The following DIS3L2 variants were observed in gnomAD, a reference collection of about 807,000 sequenced individuals.
DIS3L2 encodes DIS3 like 3'-5' exoribonuclease 2, also known as DIS3-like exonuclease 2.
A neutral mutation model predicts 97.5 loss-of-function variants in DIS3L2; 34 were observed. The ratio of observed to expected loss-of-function variants is 0.35; its 90% CI spans 0.27 to 0.46. DIS3L2 has a LOEUF of 0.46. Among genes scored for constraint, DIS3L2 ranks in the 20% least tolerant of loss-of-function variants. The pLI is 1.00. For synonymous variants in DIS3L2, 435 were observed against 445.2 expected, an observed-to-expected ratio of 0.98 and a Z score of 0.29; for missense variants, 1,038 against 1,146.0, an observed-to-expected ratio of 0.91 and a Z score of 1.36.
At chr2:232,238,465 A>G (rs904268025) in intron 10 of DIS3L2, 68 bp from the exon 11 acceptor site, 2 of 1,323,642 alleles carry the variant, frequency 1.5e-6, no homozygotes, top group Non-Finnish European at 2.2e-6. Context: ...CATTCTAGGA[A>G]AGGACTCCTG....
chr2:232,158,931 G>A (rs1690575198), intron 8 of DIS3L2, among the ~76,000 whole-genome samples: 1 of 151,958 alleles, frequency 6.6e-6, no homozygotes, highest in Admixed American at 6.6e-5. Flanking sequence ...ATAAGTATTC[G>A]TCTTGTACTC....
chr2:232,330,584 C>A, intron 15 of DIS3L2, 106 bp from the exon 16 acceptor site: 1 of 1,208,066 alleles, frequency 8.3e-7, no homozygotes, highest in Non-Finnish European at 1.2e-6. Context: ...CCACAGGCAA[C>A]TCCTCCCCCC....
intron 14 of DIS3L2, among the ~76,000 whole-genome samples, chr2:232,306,947 C>A (rs1477353912): frequency 6.6e-6 from 1 of 152,268 alleles, no homozygotes; most frequent in South Asian, 2.1e-4. Flanking sequence ...GAACATCCCT[C>A]TTTCCCAGAA....
chr2:232,052,710 C>A (rs1695444015), intron 5 of DIS3L2, among the ~76,000 whole-genome samples: 2 of 152,180 alleles, frequency 1.3e-5, no homozygotes, highest in Admixed American at 6.5e-5. Context: ...ACTCATCTTT[C>A]TAGACTGGTT....
At chr2:232,254,038 A>G (rs1041474322) in intron 12 of DIS3L2, among the ~76,000 whole-genome samples, 2 of 152,208 alleles carry the variant, frequency 1.3e-5, no homozygotes, top group Admixed American at 6.5e-5. Context: ...TCGCTCATAC[A>G]TATTTTAGTA....
intron 8 of DIS3L2, among the ~76,000 whole-genome samples, chr2:232,154,851 C>T (rs1226301822): frequency 1.0e-4 from 8 of 79,540 alleles, no homozygotes; most frequent in South Asian, 9.0e-4. Flanking sequence ...TAGCAATCAG[C>T]GAGATTCCGT....
Position 232,007,212 on chromosome 2 carries a change from T to A in DIS3L2, c.-93-7623T>A, listed in dbSNP as rs1694076547. On this transcript the variant is annotated intron_variant, in intron 1 of 20. Transcript: ENST00000325385. ...ATTAAAATAACATGAAGAACACACA[T>A]TAAGAGGGTTAGGTTATAAATATGT... Among the ~76,000 whole-genome samples, 3 of 152,308 alleles carry A rather than the reference T, an allele frequency of 2.0e-5. No individual in the cohort carries two copies. The South Asian group carries it at 6.2e-4, about 32-fold the overall frequency.
At chr2:232,300,494 A>G (rs1329346951) in intron 14 of DIS3L2, among the ~76,000 whole-genome samples, 2 of 152,014 alleles carry the variant, frequency 1.3e-5, no homozygotes, top group Non-Finnish European at 2.9e-5. Flanking sequence ...GCCTATACTT[A>G]GGTTTATGGG....
intron 6 of DIS3L2, among the ~76,000 whole-genome samples, chr2:232,094,678 C>G (rs1391145065): frequency 7.1e-6 from 1 of 141,782 alleles, no homozygotes; most frequent in Non-Finnish European, 1.5e-5. Flanking sequence ...AAGACTGCGC[C>G]ACTGCACTCC....
At chr2:232,309,939 C>T (rs1166324007) in intron 14 of DIS3L2, among the ~76,000 whole-genome samples, 1 of 152,194 alleles carries the variant, frequency 6.6e-6, no homozygotes, top group African/African-American at 2.4e-5. Flanking sequence ...ATTAGCTTCC[C>T]CCCTGCTTGG....
chr2:232,188,522 A>G (rs183846396), intron 9 of DIS3L2, among the ~76,000 whole-genome samples: 13 of 152,364 alleles, frequency 8.5e-5, no homozygotes, highest in Non-Finnish European at 1.5e-4. Context: ...TTTGCCATAC[A>G]TAGGCAAATA....
intron 1 of DIS3L2, among the ~76,000 whole-genome samples, chr2:231,967,918 A>C (rs1329086638): frequency 6.6e-6 from 1 of 152,098 alleles, no homozygotes; most frequent in Non-Finnish European, 1.5e-5. Context: ...TGATTGATTT[A>C]AGACTGATTT....
chr2:232,141,344 A>G (rs1421651750), intron 8 of DIS3L2, among the ~76,000 whole-genome samples: 2 of 152,192 alleles, frequency 1.3e-5, no homozygotes, highest in Non-Finnish European at 2.9e-5. Flanking sequence ...TACAGCAGCT[A>G]CCGTGAGGAA....
At chr2:232,140,777 T>C (rs1018736114) in intron 8 of DIS3L2, among the ~76,000 whole-genome samples, 2 of 152,158 alleles carry the variant, frequency 1.3e-5, no homozygotes, top group Non-Finnish European at 1.5e-5. Flanking sequence ...GCTCAAAGAG[T>C]ATTACAACAT....
chr2:232,015,085 T>A, intron 2 of DIS3L2, 106 bp downstream of exon 2: 4 of 1,055,554 alleles, frequency 3.8e-6, no homozygotes, highest in Non-Finnish European at 4.2e-6. Flanking sequence ...CTACTATAAT[T>A]CTTTTAGTGA....
intron 1 of DIS3L2, among the ~76,000 whole-genome samples, chr2:232,005,713 G>C (rs1295602794): frequency 6.6e-6 from 1 of 152,020 alleles, no homozygotes; most frequent in African/African-American, 2.4e-5. Flanking sequence ...GTTTATAATT[G>C]TTAACCCAAT....
intron 3 of DIS3L2, among the ~76,000 whole-genome samples, chr2:232,018,927 C>T (rs1694431704): frequency 6.6e-6 from 1 of 152,044 alleles, no homozygotes; most frequent in East Asian, 1.9e-4. Flanking sequence ...TTTCATTTCT[C>T]TCTTCATAGG....
chr2:232,122,574 C>T (rs541138926), intron 6 of DIS3L2, among the ~76,000 whole-genome samples: 146 of 152,118 alleles, frequency 9.6e-4, no homozygotes, highest in South Asian at 1.7e-3. Flanking sequence ...AAAAATTAGC[C>T]GGGCGTGGTG....
intron 3 of DIS3L2, among the ~76,000 whole-genome samples, chr2:232,022,587 A>G (rs1044248996): frequency 6.6e-6 from 1 of 152,172 alleles, no homozygotes; most frequent in Non-Finnish European, 1.5e-5. Context: ...TTGAAAAAAA[A>G]ACTTAGGCCA....
Sources: allele counts gnomAD v4.1 joint callset (sites outside exome capture counted in the v4.1 genomes callset), GRCh38; gene constraint gnomAD v4.1.1; transcripts MANE v1.5; gene names NCBI Gene and HGNC (gene_info 2026-07-23, HGNC 2026-07-21).